GABRG3: variants seen among roughly 807,000 people sequenced by gnomAD.
GABRG3 encodes the protein gamma-aminobutyric acid receptor subunit gamma-3.
A neutral mutation model predicts 48.8 loss-of-function variants in GABRG3; 25 were observed. The ratio of observed to expected loss-of-function variants is 0.51; its 90% CI spans 0.37 to 0.72. GABRG3 has a LOEUF of 0.72. Ranked by LOEUF, GABRG3 falls within the 30% of genes least tolerant of loss-of-function variation. The pLI, the probability that GABRG3 is intolerant of heterozygous loss-of-function variation, is 0.00. For missense variants in GABRG3, 394 were observed against 577.9 expected (o/e 0.68, Z 3.26); for synonymous variants, 227 against 217.6 (o/e 1.04, Z -0.38).
intron 3 of GABRG3, among the ~76,000 whole-genome samples, chr15:27,031,089 T>C (rs891801): frequency 0.48 from 70,805 of 148,082 alleles, 16,748 homozygotes; most frequent in East Asian, 0.57. Flanking sequence ...CACACACACA[T>C]ACAACACATA....
At chr15:27,495,652 G>T (rs1442363337) in intron 6 of GABRG3, among the ~76,000 whole-genome samples, 1 of 151,996 alleles carries the variant, frequency 6.6e-6, no homozygotes, top group Non-Finnish European at 1.5e-5. Flanking sequence ...TTTTAATTTT[G>T]TTTATCATAC....
intron 3 of GABRG3, among the ~76,000 whole-genome samples, chr15:27,253,096 C>A (rs753039318): frequency 6.6e-6 from 1 of 152,332 alleles, no homozygotes; most frequent in African/African-American, 2.4e-5. Context: ...AGAACGAACA[C>A]GGAACAGTTC....
intron 3 of GABRG3, among the ~76,000 whole-genome samples, chr15:27,049,827 G>A (rs759456750): frequency 1.3e-5 from 2 of 152,190 alleles, no homozygotes; most frequent in South Asian, 2.1e-4. Flanking sequence ...CACAGTGAGC[G>A]GGGATGAAAG....
chr15:27,307,995 A>C, intron 3 of GABRG3, among the ~76,000 whole-genome samples: 1 of 139,284 alleles, frequency 7.2e-6, no homozygotes, highest in Non-Finnish European at 1.5e-5. Flanking sequence ...ATAAACATAT[A>C]CGTTTATAAT....
At chr15:27,178,942 G>A (rs2140415334) in intron 3 of GABRG3, among the ~76,000 whole-genome samples, 1 of 152,282 alleles carries the variant, frequency 6.6e-6, no homozygotes, top group Admixed American at 6.5e-5. Flanking sequence ...TTTATGGCTG[G>A]CTTTGTAGGA....
chr15:27,180,167 A>G lies in GABRG3; in HGVS notation c.271-146642A>G, dbSNP rs1340912847. On this transcript the variant is annotated intron_variant, in intron 3 of 9. Transcript: ENST00000615808. The surrounding 1 kb of genome is among the most constrained non-coding windows in gnomAD (Gnocchi z 4.2). ...TGTCCAGGCCCGGGGGGTGAGATACATAAATTGAGCCTGCCCATAATGAAC... is the reference window on the plus strand; with the variant it reads ...TGTCCAGGCCCGGGGGGTGAGATACGTAAATTGAGCCTGCCCATAATGAAC... Among the ~76,000 whole-genome samples the G allele has an allele frequency of 1.3e-5, 2 of 152,174 alleles. No homozygotes were observed. Among genetic ancestry groups the G allele is most frequent in the Non-Finnish European group, 2.9e-5 (2 of 68,038 alleles).
At chr15:27,301,113 G>C (rs904885061) in intron 3 of GABRG3, among the ~76,000 whole-genome samples, 7 of 151,890 alleles carry the variant, frequency 4.6e-5, no homozygotes, top group African/African-American at 1.7e-4. Flanking sequence ...AAATATTGAA[G>C]AAAAAAGAAC....
chr15:27,161,956 A>G (rs1361811430), intron 3 of GABRG3, among the ~76,000 whole-genome samples: 1 of 152,160 alleles, frequency 6.6e-6, no homozygotes, highest in East Asian at 1.9e-4. Context: ...GATAAAAGAT[A>G]TCCTCCCTGT....
intron 3 of GABRG3, among the ~76,000 whole-genome samples, chr15:27,146,372 G>T (rs1248101056): frequency 6.6e-6 from 1 of 152,128 alleles, no homozygotes; most frequent in Non-Finnish European, 1.5e-5. Context: ...CAGGAGAATG[G>T]CTTGAACCTG....
intron 5 of GABRG3, among the ~76,000 whole-genome samples, chr15:27,448,325 C>T (rs1020611395): frequency 7.9e-5 from 12 of 152,206 alleles, no homozygotes; most frequent in African/African-American, 2.6e-4. Flanking sequence ...CTGGAATTCA[C>T]GTGACTGGGG....
intron 5 of GABRG3, among the ~76,000 whole-genome samples, chr15:27,464,518 A>G (rs1889544243): frequency 6.6e-6 from 1 of 152,144 alleles, no homozygotes. Context: ...GTAACTCTGC[A>G]TTTAATATTT....
chr15:27,176,493 T>A (rs1482942202), intron 3 of GABRG3, among the ~76,000 whole-genome samples: 5 of 152,190 alleles, frequency 3.3e-5, no homozygotes, highest in Non-Finnish European at 5.9e-5. Flanking sequence ...TGAATCATGA[T>A]AATAAAACAT....
chr15:27,476,676 T>C (rs551834350), intron 5 of GABRG3, among the ~76,000 whole-genome samples: 1 of 152,206 alleles, frequency 6.6e-6, no homozygotes, highest in Non-Finnish European at 1.5e-5. Flanking sequence ...GAAATGAATA[T>C]ACCTGTGGCA....
At chr15:27,250,740 C>G (rs1378962819) in intron 3 of GABRG3, among the ~76,000 whole-genome samples, 2 of 152,204 alleles carry the variant, frequency 1.3e-5, no homozygotes, top group African/African-American at 4.8e-5. Context: ...GGAAGCACTA[C>G]TTTAGACAGT....
At chr15:27,192,622 T>C (rs1888357295) in intron 3 of GABRG3, among the ~76,000 whole-genome samples, 1 of 152,188 alleles carries the variant, frequency 6.6e-6, no homozygotes, top group Non-Finnish European at 1.5e-5. Flanking sequence ...AGTTATACAT[T>C]CGTCTAAATT....
At chr15:27,458,848 G>C (rs189026272) in intron 5 of GABRG3, among the ~76,000 whole-genome samples, 3 of 152,186 alleles carry the variant, frequency 2.0e-5, no homozygotes, top group Non-Finnish European at 4.4e-5. Flanking sequence ...AGATGAGCTC[G>C]GGCTCCTGTG....
chr15:27,519,676 T>A (rs996734028), intron 6 of GABRG3, among the ~76,000 whole-genome samples: 11 of 152,180 alleles, frequency 7.2e-5, no homozygotes, highest in African/African-American at 2.7e-4. Context: ...CAAGTGATAA[T>A]AGCTCATCAA....
At chr15:27,199,461 T>C (rs374588507) in intron 3 of GABRG3, among the ~76,000 whole-genome samples, 1 of 152,190 alleles carries the variant, frequency 6.6e-6, no homozygotes, top group East Asian at 1.9e-4. Context: ...TATCTGTCCC[T>C]TCCAAATCTC....
In GABRG3 at chr15:27,532,830, G is replaced by C; in HGVS notation, c.1353G>C (p.Thr451=). Residue 451 remains threonine (T), a synonymous_variant, in exon 10 of 10, where the codon ACG becomes ACC. Coordinates refer to ENST00000615808, the MANE Select transcript of GABRG3 (RefSeq NM_033223.5). ...LDSYSRVFFP[T]SFLLFNLVYW... ...CGTACTCCCGGGTCTTTTTCCCCAC[G>C]TCCTTCCTGCTCTTTAACCTGGTCT... 1 of 1,613,926 alleles carries C rather than the reference G, an allele frequency of 6.2e-7. No individual in the cohort carries two copies. The highest frequency in any genetic ancestry group is 1.1e-5 in the South Asian group (1 of 91,076).
Sources: allele counts gnomAD v4.1 joint callset (sites outside exome capture counted in the v4.1 genomes callset), GRCh38; gene constraint gnomAD v4.1.1; non-coding constraint Gnocchi (gnomAD v3.1); transcripts MANE v1.5; gene names NCBI Gene and HGNC (gene_info 2026-07-23, HGNC 2026-07-21).